The following TRAPPC9 variants were observed in gnomAD, a reference collection of about 807,000 sequenced individuals.
TRAPPC9 encodes the protein IKK2 binding protein.
Under a neutral mutation model 124.0 loss-of-function variants are expected in TRAPPC9, and 83 were observed. The ratio of observed to expected loss-of-function variants is 0.67; its 90% CI spans 0.56 to 0.80. The LOEUF is 0.80. TRAPPC9 is among the 30% of genes least tolerant of loss of function. TRAPPC9 has a pLI of 0.00. For missense variants in TRAPPC9, 1,302 were observed against 1,508.3 expected (o/e 0.86, Z 2.27); for synonymous variants, 638 against 617.5 (o/e 1.03, Z -0.49).
chr8:140,008,392 A>G (rs1024214760), intron 18 of TRAPPC9: 21 of 152,258 alleles, frequency 1.4e-4, no homozygotes, highest in African/African-American at 5.1e-4. Flanking sequence ...TATCCCTCTC[A>G]TCAACCACCA....
At chr8:140,223,745 A>AC (rs2063388281) in intron 16 of TRAPPC9, among the ~76,000 whole-genome samples, 2 of 151,852 alleles carry the variant, frequency 1.3e-5, no homozygotes, top group South Asian at 4.2e-4. Context: ...CATAATTTAA[A>AC]AAAAAAAAAA....
intron 15 of TRAPPC9, among the ~76,000 whole-genome samples, chr8:140,254,569 G>A (rs1236722387): frequency 2.0e-5 from 3 of 152,200 alleles, no homozygotes; most frequent in African/African-American, 7.2e-5. Flanking sequence ...GACCAACACA[G>A]GGGACAGGAA....
chr8:139,911,324 T>C (rs1831715603), intron 19 of TRAPPC9: 1 of 152,382 alleles, frequency 6.6e-6, no homozygotes, highest in Admixed American at 6.5e-5. Context: ...AACCTCTTTC[T>C]TTTGTAAATT....
intron 21 of TRAPPC9, among the ~76,000 whole-genome samples, chr8:139,784,307 C>G (rs1164488644): frequency 6.6e-6 from 1 of 152,162 alleles, no homozygotes; most frequent in Non-Finnish European, 1.5e-5. Context: ...AGCGCAGTGG[C>G]TCACGCCTAT....
intron 21 of TRAPPC9, among the ~76,000 whole-genome samples, chr8:139,869,221 C>T (rs1828737659): frequency 1.3e-5 from 2 of 152,104 alleles, no homozygotes. Context: ...AAATGTGATT[C>T]TCAAAGGTTT....
chr8:140,363,653 A>G (rs1306669434), intron 8 of TRAPPC9, among the ~76,000 whole-genome samples: 1 of 151,644 alleles, frequency 6.6e-6, no homozygotes, highest in Non-Finnish European at 1.5e-5. Flanking sequence ...GCTGGAGTGC[A>G]ATGCCACGAT....
chr8:139,975,412 C>T (rs1243361844), intron 19 of TRAPPC9, among the ~76,000 whole-genome samples: 1 of 152,108 alleles, frequency 6.6e-6, no homozygotes, highest in Non-Finnish European at 1.5e-5. Flanking sequence ...CTAGCAAGTT[C>T]CCAGGTGATG....
intron 7 of TRAPPC9, among the ~76,000 whole-genome samples, chr8:140,388,235 G>T (rs1418298371): frequency 2.1e-5 from 3 of 143,194 alleles, no homozygotes; most frequent in African/African-American, 2.7e-5. Flanking sequence ...GGGTGGGGAG[G>T]GGGGAGGTGG....
chr8:139,789,394 C>A (rs188840799), intron 21 of TRAPPC9, among the ~76,000 whole-genome samples: 5 of 152,306 alleles, frequency 3.3e-5, no homozygotes, highest in African/African-American at 9.6e-5. Flanking sequence ...CGCTGCCCCT[C>A]GGTGTGTGGC....
rs2065353129 is a variant in TRAPPC9, at chr8:140,282,499, C to A, written c.2114+1390G>T. On this transcript the variant is annotated intron_variant, in intron 14 of 22. Coordinates refer to ENST00000438773, the MANE Select transcript of TRAPPC9 (RefSeq NM_001160372.4). ...GCCTGGGCGACAGAGCCAGACTCCA[C>A]CTCAAAAAAAAAAAAAAAGATTGTG... Among the ~76,000 whole-genome samples, 5 of 132,674 alleles carry A rather than the reference C, an allele frequency of 3.8e-5. No individual in the cohort carries two copies. In the South Asian group the frequency reaches 1.2e-3, roughly 31 times the overall value. The allele number at this position is 132,674 out of a possible 152,430, so 87.0% of individuals were successfully genotyped here.
At chr8:140,313,309 C>T (rs1168851769) in intron 9 of TRAPPC9, among the ~76,000 whole-genome samples, 1 of 152,028 alleles carries the variant, frequency 6.6e-6, no homozygotes, top group Non-Finnish European at 1.5e-5. Context: ...TACACACTCT[C>T]GGTAAATGCT....
intron 17 of TRAPPC9, among the ~76,000 whole-genome samples, chr8:140,105,858 G>C (rs543803009): frequency 1.3e-5 from 2 of 152,192 alleles, no homozygotes; most frequent in Admixed American, 6.5e-5. Flanking sequence ...CAGTGACAGA[G>C]GGCCAGCGGG....
chr8:139,785,454 T>C (rs768718212), intron 21 of TRAPPC9, among the ~76,000 whole-genome samples: 1 of 151,760 alleles, frequency 6.6e-6, no homozygotes, highest in Non-Finnish European at 1.5e-5. Context: ...TCCCAGCACT[T>C]TGGGTGGCTG....
chr8:140,339,590 T>C (rs555618575), intron 9 of TRAPPC9, among the ~76,000 whole-genome samples: 73 of 152,184 alleles, frequency 4.8e-4, no homozygotes, highest in Non-Finnish European at 9.7e-4. Context: ...TGGTCCTTTG[T>C]CCAAACAAAC....
chr8:140,186,455 G>A (rs1263126203), intron 17 of TRAPPC9, among the ~76,000 whole-genome samples: 5 of 152,102 alleles, frequency 3.3e-5, no homozygotes, highest in African/African-American at 4.8e-5. Flanking sequence ...GCATGGTGGC[G>A]GGCACCTGTA....
intron 15 of TRAPPC9, among the ~76,000 whole-genome samples, chr8:140,270,345 C>T (rs1209205395): frequency 2.6e-5 from 4 of 152,220 alleles, no homozygotes; most frequent in African/African-American, 9.6e-5. Flanking sequence ...TTGTCTACGT[C>T]CTCCACTCAG....
chr8:140,009,649 C>T (rs1262256905), intron 18 of TRAPPC9, among the ~76,000 whole-genome samples: 1 of 152,228 alleles, frequency 6.6e-6, no homozygotes, highest in Non-Finnish European at 1.5e-5. Flanking sequence ...CCTTGACCTA[C>T]TCCTGTCCCA....
intron 6 of TRAPPC9, among the ~76,000 whole-genome samples, chr8:140,400,045 G>C (rs531900545): frequency 1.4e-4 from 21 of 152,252 alleles, no homozygotes; most frequent in African/African-American, 4.3e-4. Context: ...TTCTCTCTTT[G>C]CCTGCTGCCA....
intron 21 of TRAPPC9, among the ~76,000 whole-genome samples, chr8:139,737,710 C>T (rs1036170167): frequency 3.3e-5 from 5 of 152,184 alleles, no homozygotes; most frequent in African/African-American, 1.2e-4. Flanking sequence ...TCCTGATTGG[C>T]TGGAGAACGG....
Sources: gnomAD v4.1 joint callset for allele counts (sites outside exome capture counted in the v4.1 genomes callset) on GRCh38, gnomAD v4.1.1 for gene constraint, MANE v1.5 for transcripts, NCBI Gene and HGNC (gene_info 2026-07-23, HGNC 2026-07-21) for gene names.